Variants in LZTR1 observed in about 807,000 individuals in gnomAD.
LZTR1 encodes leucine-zipper-like transcriptional regulator 1.
A neutral mutation model predicts 105.7 loss-of-function variants in LZTR1; 260 were observed. That is an observed-to-expected ratio of 2.46 (90% confidence interval 2.22 to 2.72). The LOEUF (loss-of-function observed/expected upper bound fraction) is 2.72, where lower values mean the gene tolerates loss of function less well. LZTR1 is among the 30% of genes most tolerant of loss of function. The pLI is 0.00. For synonymous variants in LZTR1, 490 were observed against 476.4 expected (o/e 1.03, Z -0.37); for missense variants, 1,214 against 1,166.9 (o/e 1.04, Z -0.59).
At chr22:20,996,622 G>A (rs370810895) in intron 18 of LZTR1, 74 bp from the exon 19 acceptor site, 29 of 1,263,780 alleles carry the variant, frequency 2.3e-5, no homozygotes, top group Non-Finnish European at 2.9e-5. Context: ...CTCCAGCTGC[G>A]CCCTTCCCTG....
chr22:20,994,336 G>A (rs1367092918), intron 14 of LZTR1, 67 bp downstream of exon 14: 1 of 1,530,230 alleles, frequency 6.5e-7, no homozygotes, highest in African/African-American at 1.4e-5. Context: ...GCCAAAAGGT[G>A]GGTGCTGCCA....
chr22:20,986,391 T>TAGAC (rs1470616157), intron 3 of LZTR1: 2 of 150,256 alleles, frequency 1.3e-5, no homozygotes, highest in African/African-American at 4.9e-5. Flanking sequence ...GATAGATAGA[T>TAGAC]AGATAGATAG....
rs111822529 is a variant in LZTR1 at position 20,996,428 on chromosome 22, G to T, written c.2220-268G>T. 4,200 of 592,176 alleles carry T rather than the reference G, an allele frequency of 7.1e-3. 132 individuals are homozygous for T. The African/African-American group carries it at 0.071, about 10-fold the overall frequency. 36.7% of individuals were successfully genotyped at this position (592,176 alleles called of 1,614,324 possible). A position where few individuals can be genotyped will look rare whatever the true frequency, so the allele number is the denominator to read the frequency against. The stretch of plus-strand genomic sequence containing the variant: ...TACTCCTTATGTCACTTCAGTAGGG[G>T]TCTGAACATGGAGGGTCAGGATGCC... On this transcript the variant is annotated intron_variant, in intron 18 of 20. Transcript: ENST00000646124.
In LZTR1 at chr22:20,985,450, G is replaced by T. The variant is rs1924345797; in HGVS notation, c.264-391G>T. On this transcript the variant is annotated intron_variant, in intron 2 of 20. Coordinates refer to ENST00000646124, the MANE Select transcript of LZTR1 (RefSeq NM_006767.4). ...TGAGGCACGGGCAAGCACTTGCATT[G>T]CAGGGTACAGCTGCAGAGGAAGGGG... is the stretch of plus-strand genomic sequence containing the variant. 2.1e-5 allele frequency among the ~76,000 whole-genome samples: 3 copies of T among 144,194 alleles called. No individual in the cohort carries two copies. In the South Asian group the frequency reaches 6.2e-4, roughly 30 times the overall value. 94.6% of individuals were successfully genotyped at this position (144,194 alleles called of 152,430 possible).
chr22:20,987,590 A>T lies in LZTR1; in HGVS notation c.400+7A>T, dbSNP rs182805328. On this transcript the variant is annotated splice_region_variant and intron_variant, in intron 4 of 20. Coordinates refer to ENST00000646124, the MANE Select transcript of LZTR1 (RefSeq NM_006767.4). ...AGCAGCATGTTTGTCTTTGGTAAGC[A>T]GCCTCTTGCCTCCCAGGGGCTGTGT... 7 of 1,613,746 alleles carry T rather than the reference A, an allele frequency of 4.3e-6. No homozygotes were observed. Among genetic ancestry groups the T allele is most frequent in the South Asian group, 1.1e-5 (1 of 91,074 alleles).
chr22:20,994,629 G>A lies in LZTR1; in HGVS notation c.1687G>A (p.Glu563Lys), dbSNP rs1374240053. 12 of 1,612,606 alleles carry A rather than the reference G, an allele frequency of 7.4e-6. No homozygotes were observed. Among genetic ancestry groups the A allele is most frequent in the Non-Finnish European group, 1.0e-5 (12 of 1,179,866 alleles). The part of the protein sequence containing the change: ...LALSFQLCRL[E>K]QLCRQYIEAS... ...ACTGAGCTTCCAGTTGTGCCGCCTG[G>A]AGCAGCTGTGCCGCCAGTACATCGA... The change falls in exon 15 of 21, where the codon GAG becomes AAG. Residue 563 changes from glutamate (E) to lysine (K), a missense_variant. Transcript: ENST00000646124.
intron 6 of LZTR1, 69 bp downstream of exon 6, chr22:20,988,941 AT>A: frequency 7.3e-7 from 1 of 1,376,756 alleles, no homozygotes. Flanking sequence ...CCGTCCTGGC[AT>A]TTGAGGGCTT....
chr22:20,997,106 C>A, intron 20 of LZTR1, 126 bp from the exon 21 acceptor site: 1 of 1,116,916 alleles, frequency 9.0e-7, no homozygotes, highest in Non-Finnish European at 1.3e-6. Flanking sequence ...CATCACTGGC[C>A]GCACCTTGCT....
At chr22:20,990,679 G>T in intron 8 of LZTR1, 154 bp downstream of exon 8, 1 of 786,138 alleles carries the variant, frequency 1.3e-6, no homozygotes, top group South Asian at 1.8e-5. Context: ...AGGGATGTGC[G>T]GTGCCCCTGG....
Position 20,988,776 on chromosome 22 carries a change from C to T in LZTR1, c.510-13C>T, listed in dbSNP as rs1346415992. 2 of 1,610,064 alleles carry T rather than the reference C, an allele frequency of 1.2e-6. No homozygotes were observed. The highest frequency in any genetic ancestry group is 1.7e-6 in the Non-Finnish European group (2 of 1,176,434). On this transcript the variant is annotated splice_polypyrimidine_tract_variant and intron_variant, in intron 5 of 20. Coordinates refer to ENST00000646124, the MANE Select transcript of LZTR1 (RefSeq NM_006767.4). ...GGCGGCCTCACTCCCTCCCCTCTTCCCTCACACTCCAGGTTGCCAGTCGCT... is the reference window on the plus strand; with the variant it reads ...GGCGGCCTCACTCCCTCCCCTCTTCTCTCACACTCCAGGTTGCCAGTCGCT...
At chr22:20,991,605 G>A (rs1924606964) in intron 8 of LZTR1, 23 bp from the exon 9 acceptor site, 2 of 1,534,864 alleles carry the variant, frequency 1.3e-6, no homozygotes, top group African/African-American at 1.4e-5. Flanking sequence ...TCCCAGCATT[G>A]ATTCACTGTT....
rs762378112 is a variant in LZTR1 at position 20,988,891 on chromosome 22, T to C, written c.593+19T>C. 2.5e-6 allele frequency: 4 copies of C among 1,607,622 alleles called. No individual in the cohort carries two copies. The South Asian group carries it at 3.3e-5, about 13-fold the overall frequency. ...ACGCCAGGTGGGTGGTGGTCCGGCC[T>C]GTGCACCCCACCTCCGACAGCACTG... On this transcript the variant is annotated intron_variant, in intron 6 of 20. Transcript: ENST00000646124.
chr22:20,998,635 C>T lies in LZTR1; in HGVS notation c.*1287C>T, dbSNP rs144590874. ...GGCAGCCTGCAGGCTAGGAAGTGGC[C>T]TAGTGCAAGATGAGCTGGGAACAAG... On this transcript the variant is annotated 3_prime_UTR_variant, in exon 21 of 21. Transcript: ENST00000646124. 808 of 153,200 alleles carry T rather than the reference C, an allele frequency of 5.3e-3. 5 individuals are homozygous for T. The highest frequency in any genetic ancestry group is 0.026 in the South Asian group (128 of 4,834). 9.5% of individuals were successfully genotyped at this position (153,200 alleles called of 1,614,324 possible).
rs780859518 is a variant in LZTR1 at position 20,994,136 on chromosome 22, G to A, written c.1482G>A (p.Arg494=). ...AGCAGGAGGCCGCCCCAGTTCCCAGGGAGGCCCCCGGCGTGGCTGCTGGTG... is the reference window on the plus strand; with the variant it reads ...AGCAGGAGGCCGCCCCAGTTCCCAGAGAGGCCCCCGGCGTGGCTGCTGGTG... ...KLEQEAAPVP[R]EAPGVAAGGA... is the part of the protein sequence containing the mutation. The change falls in exon 14 of 21, where the codon AGG becomes AGA. Residue 494 remains arginine, a synonymous_variant. Transcript: ENST00000646124. 1.3e-6 allele frequency: 2 copies of A among 1,589,400 alleles called. No homozygotes were observed. The highest frequency in any genetic ancestry group is 1.1e-5 in the South Asian group (1 of 89,036).
At chr22:20,988,530 G>A (rs1028944410) in intron 5 of LZTR1, among the ~76,000 whole-genome samples, 4 of 152,194 alleles carry the variant, frequency 2.6e-5, no homozygotes, top group African/African-American at 9.6e-5. Flanking sequence ...CCCGCTTTTT[G>A]AGCACCCCCT....
chr22:20,989,591 C>G, intron 6 of LZTR1, 34 bp from the exon 7 acceptor site: 1 of 1,594,646 alleles, frequency 6.3e-7, no homozygotes, highest in Non-Finnish European at 8.6e-7. Context: ...GACCACCAGA[C>G]CCAAGGGGTC....
intron 4 of LZTR1, 123 bp from the exon 5 acceptor site, chr22:20,987,887 G>C: frequency 1.5e-6 from 1 of 686,708 alleles, no homozygotes; most frequent in Non-Finnish European, 2.6e-6. Flanking sequence ...GTCGTTCCGG[G>C]GCTTGTGGAA....
intron 16 of LZTR1, 180 bp from the exon 17 acceptor site, chr22:20,995,566 G>A: frequency 1.3e-6 from 1 of 783,502 alleles, no homozygotes; most frequent in Middle Eastern, 3.1e-4. Context: ...GCTTGAGTCG[G>A]CCAGGGCGCC....
chr22:20,988,839 T>C lies in LZTR1; in HGVS notation c.560T>C (p.Leu187Pro), dbSNP rs1303870701. 2 of 1,614,118 alleles carry C rather than the reference T, an allele frequency of 1.2e-6. No homozygotes were observed. The change falls in exon 6 of 21, where the codon CTG (leucine) becomes CCG (proline). Residue 187 changes from leucine to proline, a missense_variant. By Grantham distance (98) the Leu-to-Pro change is moderately conservative. Transcript: ENST00000646124. ...AHGATVYSDK[L>P]WIFAGYDGNA... ...GGGGCCACGGTGTACAGTGACAAGCTGTGGATCTTTGCTGGCTATGACGGC... is the reference window on the plus strand; with the variant it reads ...GGGGCCACGGTGTACAGTGACAAGCCGTGGATCTTTGCTGGCTATGACGGC...
Sources: allele counts gnomAD v4.1 joint callset (sites outside exome capture counted in the v4.1 genomes callset), GRCh38; gene constraint gnomAD v4.1.1; transcripts MANE v1.5; gene names NCBI Gene and HGNC (gene_info 2026-07-23, HGNC 2026-07-21).